Variants in CRACD observed in about 807,000 individuals in gnomAD.
CRACD encodes capping protein inhibiting regulator of actin dynamics.
A neutral mutation model predicts 106.8 loss-of-function variants in CRACD; 56 were observed. The ratio of observed to expected loss-of-function variants is 0.52; its 90% confidence interval spans 0.42 to 0.66. The LOEUF (loss-of-function observed/expected upper bound fraction) is 0.66, where lower values mean the gene tolerates loss of function less well. CRACD is among the 30% of genes least tolerant of loss of function. The pLI is 0.00. For missense variants in CRACD, 1,730 were observed against 1,623.2 expected (o/e 1.07, Z -1.13); for synonymous variants, 754 against 670.8 (o/e 1.12, Z -1.92).
intron 1 of CRACD, among the ~76,000 whole-genome samples, chr4:56,120,431 T>A (rs1320679911): frequency 6.6e-6 from 1 of 152,166 alleles, no homozygotes; most frequent in African/African-American, 2.4e-5. Flanking sequence ...ATAAAAAAAA[T>A]TAACTACAAA....
intron 2 of CRACD, among the ~76,000 whole-genome samples, chr4:56,245,951 T>C (rs1445981541): frequency 6.6e-6 from 1 of 152,236 alleles, no homozygotes; most frequent in East Asian, 1.9e-4. Context: ...AAATGTAGAC[T>C]ATGTTATGTA....
chr4:56,154,068 A>G (rs1239158809), intron 1 of CRACD, among the ~76,000 whole-genome samples: 1 of 152,212 alleles, frequency 6.6e-6, no homozygotes, highest in African/African-American at 2.4e-5. Context: ...GACTATTAGA[A>G]GAGAGTCACT....
At chr4:56,218,657 G>A (rs961842525) in intron 2 of CRACD, among the ~76,000 whole-genome samples, 1 of 150,026 alleles carries the variant, frequency 6.7e-6, no homozygotes, top group African/African-American at 2.5e-5. Flanking sequence ...ACCCTGGCTG[G>A]AGTGCAGTGG....
intron 1 of CRACD, among the ~76,000 whole-genome samples, chr4:56,108,152 C>G (rs570578169): frequency 1.3e-5 from 2 of 152,274 alleles, no homozygotes; most frequent in South Asian, 2.1e-4. Context: ...GCCTGCCTGC[C>G]TGCTGTCTCT....
rs148844454 is a variant in CRACD at position 56,086,518 on chromosome 4, G to C, written c.-336+37219G>C. ...AAGTTCTATCTGAAGTGTCCCCTTA[G>C]CTCATGTTGGAATATGCTGACATTT... On this transcript the variant is annotated intron_variant, in intron 1 of 10. Transcript: ENST00000682029. Among the ~76,000 whole-genome samples the C allele has an allele frequency of 4.4e-3, 663 of 152,222 alleles. 5 individuals are homozygous for C. The highest frequency in any genetic ancestry group is 0.015 in the African/African-American group (623 of 41,506).
intron 1 of CRACD, among the ~76,000 whole-genome samples, chr4:56,105,465 C>T (rs1323381294): frequency 2.0e-5 from 3 of 152,172 alleles, no homozygotes; most frequent in Non-Finnish European, 4.4e-5. Context: ...TGCCACTGTG[C>T]TCCAGCATGG....
At chr4:56,296,475 C>G (rs1472110143) in intron 3 of CRACD, among the ~76,000 whole-genome samples, 2 of 152,076 alleles carry the variant, frequency 1.3e-5, no homozygotes, top group Non-Finnish European at 2.9e-5. Context: ...ATTTAGCAAA[C>G]TAGATGATAA....
At chr4:56,244,821 A>C (rs1740591542) in intron 2 of CRACD, among the ~76,000 whole-genome samples, 2 of 152,230 alleles carry the variant, frequency 1.3e-5, no homozygotes, top group Non-Finnish European at 2.9e-5. Context: ...CTCACAAATC[A>C]TGAAGGTGGA....
chr4:56,312,840 C>G (rs1745244138), intron 6 of CRACD, among the ~76,000 whole-genome samples: 1 of 152,170 alleles, frequency 6.6e-6, no homozygotes, highest in South Asian at 2.1e-4. Context: ...GTAGCTGTGG[C>G]CCGGTAAAAC....
intron 2 of CRACD, among the ~76,000 whole-genome samples, chr4:56,207,974 G>T (rs1432246244): frequency 6.7e-6 from 1 of 150,162 alleles, no homozygotes; most frequent in African/African-American, 2.5e-5. Flanking sequence ...GACACACCAT[G>T]CCTGGTTAAT....
intron 1 of CRACD, among the ~76,000 whole-genome samples, chr4:56,102,516 TAGTC>T (rs1333382517): frequency 1.3e-5 from 2 of 152,178 alleles, no homozygotes; most frequent in East Asian, 1.9e-4. Flanking sequence ...TTATACCAAA[TAGTC>T]AGATCATCCA....
intron 1 of CRACD, among the ~76,000 whole-genome samples, chr4:56,100,013 C>G (rs111464750): frequency 0.041 from 6,237 of 152,184 alleles, 129 homozygotes; most frequent in East Asian, 0.067. Flanking sequence ...GAGGCCGAGA[C>G]GGGCGGATCA....
At chr4:56,181,804 CTCT>C (rs1303658133) in intron 2 of CRACD, among the ~76,000 whole-genome samples, 2 of 152,138 alleles carry the variant, frequency 1.3e-5, no homozygotes, top group Non-Finnish European at 2.9e-5. Context: ...GCTGTCTTCC[CTCT>C]TCTTATAAGG....
chr4:56,124,527 T>G (rs1353647154), intron 1 of CRACD, among the ~76,000 whole-genome samples: 1 of 152,238 alleles, frequency 6.6e-6, no homozygotes, highest in African/African-American at 2.4e-5. Context: ...TAATATCTAA[T>G]ATCTAGTCAG....
At chr4:56,104,624 C>T (rs1293920549) in intron 1 of CRACD, among the ~76,000 whole-genome samples, 1 of 152,158 alleles carries the variant, frequency 6.6e-6, no homozygotes, top group Non-Finnish European at 1.5e-5. Context: ...TTGTGCTCCA[C>T]GAGCTCTGTG....
intron 1 of CRACD, among the ~76,000 whole-genome samples, chr4:56,177,153 G>C (rs1736618745): frequency 1.3e-5 from 2 of 152,242 alleles, no homozygotes; most frequent in South Asian, 4.1e-4. Context: ...TAGAAGAAAG[G>C]CTTTCAATTT....
chr4:56,076,485 A>C (rs969941227), intron 1 of CRACD, among the ~76,000 whole-genome samples: 1 of 152,216 alleles, frequency 6.6e-6, no homozygotes, highest in South Asian at 2.1e-4. Context: ...TTAAAGTCTT[A>C]TGAATAAGTA....
At chr4:56,278,493 A>G (rs1742805227) in intron 3 of CRACD, among the ~76,000 whole-genome samples, 1 of 152,214 alleles carries the variant, frequency 6.6e-6, no homozygotes, top group Non-Finnish European at 1.5e-5. Context: ...TACATCATAT[A>G]CAAAAATTAA....
At chr4:56,243,680 C>T (rs1740503255) in intron 2 of CRACD, among the ~76,000 whole-genome samples, 2 of 151,810 alleles carry the variant, frequency 1.3e-5, no homozygotes, top group Non-Finnish European at 2.9e-5. Flanking sequence ...TTTTGGGGTA[C>T]ATAAGATGTT....
Sources: allele counts gnomAD v4.1 joint callset (sites outside exome capture counted in the v4.1 genomes callset), GRCh38; gene constraint gnomAD v4.1.1; transcripts MANE v1.5; gene names NCBI Gene and HGNC (gene_info 2026-07-23, HGNC 2026-07-21).